AFDN: variants seen among roughly 807,000 people sequenced by gnomAD.
AFDN encodes the protein afadin.
A neutral mutation model predicts 216.6 loss-of-function variants in AFDN; 68 were observed. The ratio of observed to expected loss-of-function variants is 0.31; its 90% confidence interval spans 0.26 to 0.38. AFDN has a LOEUF of 0.38. Ranked by LOEUF, AFDN falls within the 10% of genes least tolerant of loss-of-function variation. AFDN has a pLI of 1.00. For missense variants in AFDN, 2,136 were observed against 2,342.0 expected, an observed-to-expected ratio of 0.91 and a Z score of 1.82; for synonymous variants, 868 against 853.7, an observed-to-expected ratio of 1.02 and a Z score of -0.29.
chr6:167,966,606 A>T (rs896249531), intron 32 of AFDN, among the ~76,000 whole-genome samples: 1 of 152,174 alleles, frequency 6.6e-6, no homozygotes, highest in African/African-American at 2.4e-5. Context: ...CTCTCTACCA[A>T]TGATCTTCTA....
chr6:167,921,260 A>T (rs533452381), intron 21 of AFDN, among the ~76,000 whole-genome samples: 51 of 152,334 alleles, frequency 3.3e-4, no homozygotes, highest in Admixed American at 1.2e-3. Flanking sequence ...TGACTTGATG[A>T]TGGAGTATTC....
At chr6:167,939,695 T>A (rs2128609618) in intron 23 of AFDN, among the ~76,000 whole-genome samples, 1 of 152,316 alleles carries the variant, frequency 6.6e-6, no homozygotes, top group East Asian at 1.9e-4. Context: ...TATTCATGAA[T>A]CACATAAAAT....
intron 1 of AFDN, among the ~76,000 whole-genome samples, chr6:167,834,386 A>G (rs1299252969): frequency 6.7e-6 from 1 of 149,518 alleles, no homozygotes; most frequent in Admixed American, 6.6e-5. Context: ...CTTAGAATAT[A>G]GTCTCCAGTC....
chr6:167,920,467 C>T (rs1050864239), intron 21 of AFDN, among the ~76,000 whole-genome samples: 1 of 152,204 alleles, frequency 6.6e-6, no homozygotes, highest in Non-Finnish European at 1.5e-5. Context: ...AGTCAGAAAG[C>T]ACAGCCAGCT....
At chr6:167,890,153 C>G (rs772847401) in intron 7 of AFDN, among the ~76,000 whole-genome samples, 1 of 152,082 alleles carries the variant, frequency 6.6e-6, no homozygotes, top group Non-Finnish European at 1.5e-5. Context: ...GCCATTTAAT[C>G]GTGTCAATAT....
intron 2 of AFDN, among the ~76,000 whole-genome samples, chr6:167,866,752 G>T (rs185161173): frequency 6.6e-6 from 1 of 152,256 alleles, no homozygotes; most frequent in East Asian, 1.9e-4. Flanking sequence ...ATGTGATGCC[G>T]ACAGAAGAGA....
chr6:167,881,529 A>G (rs762201763), intron 6 of AFDN, among the ~76,000 whole-genome samples: 2 of 152,216 alleles, frequency 1.3e-5, no homozygotes, highest in Non-Finnish European at 2.9e-5. Context: ...AGGCAAGTGT[A>G]TCCCAGCCCC....
Position 167,946,735 on chromosome 6 carries a change from C to A in AFDN, c.3387C>A (p.Pro1129=), listed in dbSNP as rs1336695500. ...RISDRRGSGK[P]RPKSEGFELY... ...CAGATCGTCGTGGCTCAGGTAAACC[C>A]CGACCAAAGAGTGAAGGCTTTGAGC... The change falls in exon 27 of 34, where the codon CCC becomes CCA. Residue 1129 remains proline, a synonymous_variant. Transcript: ENST00000683244. 5 of 1,613,816 alleles carry A rather than the reference C, an allele frequency of 3.1e-6. No homozygotes were observed. In the African/African-American group the frequency reaches 5.3e-5, roughly 17 times the overall value.
Position 167,893,881 on chromosome 6 carries a change from C to T in AFDN, c.1197C>T (p.Ala399=), listed in dbSNP as rs1393346814. 2 of 1,588,908 alleles carry T rather than the reference C, an allele frequency of 1.3e-6. No homozygotes were observed. The highest frequency in any genetic ancestry group is 1.2e-5 in the South Asian group (1 of 86,888). Residue 399 remains alanine, a synonymous_variant, in exon 9 of 34, where the codon GCC becomes GCT. Coordinates refer to ENST00000683244, the MANE Select transcript of AFDN (RefSeq NM_001386888.1). ...ELSPGRRNHF[A]YYNYHTYEDG... is the part of the protein sequence containing the mutation. Reference sequence around the variant, plus strand: ...CCCCAGGGAGAAGGAATCACTTTGCCTACTACAACTATCACACTTACGAAG... The same window carrying T: ...CCCCAGGGAGAAGGAATCACTTTGCTTACTACAACTATCACACTTACGAAG...
At chr6:167,963,680 TC>T (rs1414263231) in intron 31 of AFDN, 1 of 1,060,590 alleles carries the variant, frequency 9.4e-7, no homozygotes, top group East Asian at 5.1e-5. Context: ...AAGTTTATCA[TC>T]ATATTATCTG....
At chr6:167,959,360 G>A (rs1796826551) in intron 30 of AFDN, among the ~76,000 whole-genome samples, 1 of 152,182 alleles carries the variant, frequency 6.6e-6, no homozygotes, top group Non-Finnish European at 1.5e-5. Context: ...GTTTCCTAAT[G>A]AGGAAATCGG....
chr6:167,860,359 G>A (rs1783420942), intron 1 of AFDN, among the ~76,000 whole-genome samples: 1 of 151,864 alleles, frequency 6.6e-6, no homozygotes, highest in African/African-American at 2.4e-5. Context: ...CTTGTTATTG[G>A]GCATCTTGAC....
At chr6:167,900,041 G>A (rs1788749652) in intron 11 of AFDN, among the ~76,000 whole-genome samples, 1 of 152,134 alleles carries the variant, frequency 6.6e-6, no homozygotes, top group African/African-American at 2.4e-5. Flanking sequence ...CATATTTCTG[G>A]CCAGCAGCAG....
At chr6:167,924,933 T>C in intron 22 of AFDN, 72 bp from the exon 23 acceptor site, 1 of 1,037,212 alleles carries the variant, frequency 9.6e-7, no homozygotes, top group Non-Finnish European at 1.5e-6. Context: ...ATTGACTAGA[T>C]CATGAGTTGT....
chr6:167,944,780 T>C lies in AFDN; in HGVS notation c.3358+721T>C, dbSNP rs1006498574. Reference sequence around the variant, plus strand: ...ATATCTTCACATAGAAAAACTACAGTTAAAAAAAAAAAAAGTGGAAGAGTA... The same window carrying C: ...ATATCTTCACATAGAAAAACTACAGCTAAAAAAAAAAAAAGTGGAAGAGTA... On this transcript the variant is annotated intron_variant, in intron 26 of 33. Transcript: ENST00000683244. 5.3e-5 allele frequency among the ~76,000 whole-genome samples: 8 copies of C among 150,532 alleles called. No individual in the cohort carries two copies. In the East Asian group the frequency reaches 9.7e-4, roughly 18 times the overall value.
intron 1 of AFDN, among the ~76,000 whole-genome samples, chr6:167,828,992 CT>C (rs952555569): frequency 6.6e-6 from 1 of 151,758 alleles, no homozygotes; most frequent in African/African-American, 2.4e-5. Context: ...TAAAATTGGC[CT>C]GTCATTTGGA....
intron 13 of AFDN, among the ~76,000 whole-genome samples, chr6:167,908,370 A>G (rs989857998): frequency 5.3e-5 from 8 of 152,108 alleles, no homozygotes; most frequent in Non-Finnish European, 1.2e-4. Context: ...TTTATTGTGG[A>G]TTTTTGGTTC....
intron 1 of AFDN, among the ~76,000 whole-genome samples, chr6:167,860,895 T>C (rs1400444038): frequency 6.6e-6 from 1 of 152,228 alleles, no homozygotes; most frequent in Non-Finnish European, 1.5e-5. Context: ...CATTCATTCA[T>C]TTGTTTCTTC....
intron 29 of AFDN, among the ~76,000 whole-genome samples, chr6:167,950,814 G>C (rs1795883431): frequency 6.6e-6 from 1 of 151,942 alleles, no homozygotes; most frequent in Non-Finnish European, 1.5e-5. Flanking sequence ...TGGCACTGAA[G>C]GGCCTCGAGG....
Sources: gnomAD v4.1 joint callset for allele counts (sites outside exome capture counted in the v4.1 genomes callset) on GRCh38, gnomAD v4.1.1 for gene constraint, MANE v1.5 for transcripts, NCBI Gene and HGNC (gene_info 2026-07-23, HGNC 2026-07-21) for gene names.